Variants in RBFOX1 observed in about 807,000 individuals in gnomAD.
The protein encoded by RBFOX1 is RNA binding fox-1 homolog 1, also known as RNA binding protein fox-1 homolog 1.
A neutral mutation model predicts 57.7 loss-of-function variants in RBFOX1; 8 were observed. The ratio of observed to expected loss-of-function variants is 0.14; its 90% confidence interval spans 0.08 to 0.25. RBFOX1 has a LOEUF of 0.25. Among genes scored for constraint, RBFOX1 ranks in the 10% least tolerant of loss-of-function variants. RBFOX1 has a pLI of 1.00. For synonymous variants in RBFOX1, 326 were observed against 222.4 expected, an observed-to-expected ratio of 1.47 and a Z score of -4.15; for missense variants, 611 against 548.5, an observed-to-expected ratio of 1.11 and a Z score of -1.14.
At chr16:6,562,832 T>TTTTCTTTTCTTTC (rs2097196469) in intron 2 of RBFOX1, among the ~76,000 whole-genome samples, 1 of 75,944 alleles carries the variant, frequency 1.3e-5, no homozygotes, top group Non-Finnish European at 2.5e-5. Flanking sequence ...TTCTTGATTC[T>TTTTCTTTTCTTTC]TTTCTTTCTT....
chr16:7,094,154 A>G (rs2151183088), intron 4 of RBFOX1, among the ~76,000 whole-genome samples: 1 of 151,726 alleles, frequency 6.6e-6, no homozygotes, highest in East Asian at 1.9e-4. Flanking sequence ...AATTTTCCAA[A>G]CCTTCAGACA....
chr16:7,662,088 C>A lies in RBFOX1; in HGVS notation c.891-2841C>A, dbSNP rs552966654. Among the ~76,000 whole-genome samples the A allele has an allele frequency of 1.8e-3, 275 of 152,328 alleles. 1 individual carries two copies. Among genetic ancestry groups the A allele is most frequent in the African/African-American group, 6.3e-3 (261 of 41,574 alleles). On this transcript the variant is annotated intron_variant, in intron 12 of 15. Transcript: ENST00000550418. The stretch of plus-strand genomic sequence containing the variant: ...CCTCAGCCATATCAAAGAACCCCAA[C>A]TCTTGGCCCACACCCATGCCATGTG...
At chr16:6,150,643 A>G (rs1308343938) in intron 1 of RBFOX1, among the ~76,000 whole-genome samples, 1 of 152,060 alleles carries the variant, frequency 6.6e-6, no homozygotes, top group African/African-American at 2.4e-5. Context: ...ACAGCATGAC[A>G]CACTTACGGA....
At chr16:7,094,302 C>T (rs550072681) in intron 4 of RBFOX1, among the ~76,000 whole-genome samples, 1 of 152,084 alleles carries the variant, frequency 6.6e-6, no homozygotes, top group South Asian at 2.1e-4. Context: ...AGCAATAGAG[C>T]ATTGTTTTGA....
At chr16:6,548,633 T>G (rs946855072) in intron 2 of RBFOX1, among the ~76,000 whole-genome samples, 1 of 152,144 alleles carries the variant, frequency 6.6e-6, no homozygotes, top group Non-Finnish European at 1.5e-5. Context: ...AAGAATTAAA[T>G]TATAGAACTG....
intron 4 of RBFOX1, among the ~76,000 whole-genome samples, chr16:7,472,023 C>T (rs1411977881): frequency 6.6e-6 from 1 of 152,170 alleles, no homozygotes; most frequent in Admixed American, 6.5e-5. Flanking sequence ...AATTGGTGAA[C>T]ACACTTTAGT....
At chr16:6,276,649 C>A (rs761654877) in intron 1 of RBFOX1, among the ~76,000 whole-genome samples, 1 of 152,022 alleles carries the variant, frequency 6.6e-6, no homozygotes, top group Non-Finnish European at 1.5e-5. Flanking sequence ...GGCTGAGAGT[C>A]GTTTTTTAAT....
chr16:5,675,842 T>C (rs2050152095), intron 3 of RBFOX1, among the ~76,000 whole-genome samples: 1 of 152,078 alleles, frequency 6.6e-6, no homozygotes, highest in African/African-American at 2.4e-5. Flanking sequence ...TGCTTTGAAA[T>C]AAAGATGAGG....
At chr16:6,799,656 A>G (rs1429699450) in intron 3 of RBFOX1, among the ~76,000 whole-genome samples, 4 of 152,084 alleles carry the variant, frequency 2.6e-5, no homozygotes, top group Non-Finnish European at 5.9e-5. Flanking sequence ...AGCTCGTATA[A>G]AGCAGGTGGA....
At chr16:6,106,021 A>T (rs2096374111) in intron 1 of RBFOX1, among the ~76,000 whole-genome samples, 1 of 152,070 alleles carries the variant, frequency 6.6e-6, no homozygotes, top group African/African-American at 2.4e-5. Flanking sequence ...TCCTAGTTAA[A>T]AGCTGAGATG....
intron 9 of RBFOX1, among the ~76,000 whole-genome samples, chr16:7,603,915 A>G (rs1479343189): frequency 6.6e-6 from 1 of 152,134 alleles, no homozygotes; most frequent in Non-Finnish European, 1.5e-5. Flanking sequence ...CATGACCAGA[A>G]TGGACAGGGG....
At chr16:6,119,847 G>A (rs955913537) in intron 1 of RBFOX1, among the ~76,000 whole-genome samples, 8 of 152,218 alleles carry the variant, frequency 5.3e-5, no homozygotes, top group African/African-American at 1.4e-4. Context: ...TAGCACATTC[G>A]TAATGTTATG....
chr16:7,184,244 T>A (rs181214120), intron 4 of RBFOX1, among the ~76,000 whole-genome samples: 1 of 152,298 alleles, frequency 6.6e-6, no homozygotes, highest in African/African-American at 2.4e-5. Context: ...TCTTTGCTTA[T>A]AGCAAGGGGG....
At chr16:5,958,066 G>C (rs1198935176) in intron 4 of RBFOX1, among the ~76,000 whole-genome samples, 2 of 152,054 alleles carry the variant, frequency 1.3e-5, no homozygotes, top group Non-Finnish European at 2.9e-5. Flanking sequence ...TTAGACCAAA[G>C]AATCTACTGC....
chr16:7,524,777 A>G (rs1235070560), intron 5 of RBFOX1, among the ~76,000 whole-genome samples: 2 of 152,228 alleles, frequency 1.3e-5, no homozygotes, highest in Non-Finnish European at 1.5e-5. Context: ...TAATACTTTT[A>G]GGAAGATAAG....
At chr16:6,787,114 A>G (rs555007975) in intron 3 of RBFOX1, among the ~76,000 whole-genome samples, 34 of 152,170 alleles carry the variant, frequency 2.2e-4, no homozygotes, top group Admixed American at 3.3e-4. Context: ...AAATGCAATG[A>G]TTTCCTGCCC....
intron 2 of RBFOX1, among the ~76,000 whole-genome samples, chr16:6,455,769 T>C (rs1042167331): frequency 2.4e-4 from 37 of 152,198 alleles, no homozygotes; most frequent in African/African-American, 8.0e-4. Context: ...TTTTATTGTA[T>C]GATTACCTTT....
rs577920472 is a variant in RBFOX1, at chr16:6,383,771, G to GA, written c.-64+66725dup. Among the ~76,000 whole-genome samples, 629 of 143,380 alleles carry GA rather than the reference G, an allele frequency of 4.4e-3. 7 individuals are homozygous for GA. Among genetic ancestry groups the GA allele is most frequent in the African/African-American group, 0.014 (558 of 39,408 alleles). The allele number at this position is 143,380 out of a possible 152,430, so 94.1% of individuals were successfully genotyped here. ...GGCGACAGTGCGAGAATTTATCTTG[G>GA]AAAAAAAAAAAGAAAAGAAAAACAG... On this transcript the variant is annotated intron_variant, in intron 2 of 15. Transcript: ENST00000550418.
intron 1 of RBFOX1, among the ~76,000 whole-genome samples, chr16:6,021,867 A>T (rs2095086264): frequency 6.6e-6 from 1 of 152,202 alleles, no homozygotes; most frequent in Non-Finnish European, 1.5e-5. Context: ...TAAAGCACTA[A>T]ACATTTAGAA....
Sources: allele counts gnomAD v4.1 joint callset (sites outside exome capture counted in the v4.1 genomes callset), GRCh38; gene constraint gnomAD v4.1.1; transcripts MANE v1.5; gene names NCBI Gene and HGNC (gene_info 2026-07-23, HGNC 2026-07-21).